The following LDB2 variants were observed in gnomAD, a reference collection of about 807,000 sequenced individuals.
The protein encoded by LDB2 is LIM domain-binding protein 2.
Under a neutral mutation model 44.3 loss-of-function variants are expected in LDB2, and 12 were observed. The ratio of observed to expected loss-of-function variants is 0.27; its 90% CI spans 0.17 to 0.44. The LOEUF (loss-of-function observed/expected upper bound fraction) is 0.44. LDB2 is among the 20% of genes least tolerant of loss of function. The pLI is 1.00. For missense variants in LDB2, 344 were observed against 473.5 expected (o/e 0.73, Z 2.54); for synonymous variants, 164 against 174.8 (o/e 0.94, Z 0.49).
chr4:16,893,742 C>G (rs1724097418), intron 1 of LDB2, among the ~76,000 whole-genome samples: 1 of 151,674 alleles, frequency 6.6e-6, no homozygotes, highest in Non-Finnish European at 1.5e-5. Flanking sequence ...AACCTCAAAA[C>G]AGGAAAAATA....
chr4:16,885,310 G>T (rs930460389), intron 1 of LDB2, among the ~76,000 whole-genome samples: 1 of 151,878 alleles, frequency 6.6e-6, no homozygotes, highest in African/African-American at 2.4e-5. Flanking sequence ...ACTCCAGCCT[G>T]GGGAGCAAGA....
chr4:16,888,304 T>G (rs1722345754), intron 1 of LDB2, among the ~76,000 whole-genome samples: 1 of 152,254 alleles, frequency 6.6e-6, no homozygotes, highest in Non-Finnish European at 1.5e-5. Context: ...CACTGAGTTC[T>G]TAAATGGAGA....
At chr4:16,520,607 A>G (rs556118386) in intron 5 of LDB2, among the ~76,000 whole-genome samples, 1 of 152,308 alleles carries the variant, frequency 6.6e-6, no homozygotes, top group South Asian at 2.1e-4. Context: ...TATCGCGTCC[A>G]ACCCTGGAGA....
intron 5 of LDB2, among the ~76,000 whole-genome samples, chr4:16,524,524 AAG>A (rs1352422465): frequency 6.6e-6 from 1 of 152,158 alleles, no homozygotes; most frequent in Non-Finnish European, 1.5e-5. Context: ...ACATCGTGGA[AAG>A]AGAGTATGAG....
At chr4:16,878,357 C>T (rs1264038295) in intron 1 of LDB2, among the ~76,000 whole-genome samples, 2 of 152,180 alleles carry the variant, frequency 1.3e-5, no homozygotes, top group African/African-American at 4.8e-5. Context: ...CTCTCTTATT[C>T]CAGTAACCAT....
intron 2 of LDB2, among the ~76,000 whole-genome samples, chr4:16,737,186 A>C (rs1762069839): frequency 6.6e-6 from 1 of 152,128 alleles, no homozygotes; most frequent in African/African-American, 2.4e-5. Flanking sequence ...AAAATCTTTA[A>C]ATGTAAAACC....
chr4:16,563,296 G>T (rs1743120084), intron 5 of LDB2, among the ~76,000 whole-genome samples: 1 of 151,360 alleles, frequency 6.6e-6, no homozygotes, highest in Admixed American at 6.6e-5. Context: ...GTTTCTATCT[G>T]TGATTTTTTT....
intron 1 of LDB2, among the ~76,000 whole-genome samples, chr4:16,823,132 G>A (rs1049677228): frequency 3.3e-5 from 5 of 152,132 alleles, no homozygotes; most frequent in Admixed American, 6.5e-5. Context: ...TGAGCTCCAC[G>A]AGGTAAGAAT....
At chr4:16,778,119 C>G (rs529248922) in intron 1 of LDB2, among the ~76,000 whole-genome samples, 28 of 152,176 alleles carry the variant, frequency 1.8e-4, no homozygotes, top group Non-Finnish European at 3.2e-4. Flanking sequence ...ATTGGGCACA[C>G]ATATTTGATC....
intron 4 of LDB2, among the ~76,000 whole-genome samples, chr4:16,586,528 A>AACACACAC (rs375304103): frequency 1.4e-5 from 1 of 69,426 alleles, no homozygotes; most frequent in African/African-American, 4.6e-5. Context: ...ACACACACAA[A>AACACACAC]ACACACACAC....
intron 2 of LDB2, among the ~76,000 whole-genome samples, chr4:16,746,867 G>A (rs1048736471): frequency 1.4e-4 from 22 of 152,104 alleles, no homozygotes; most frequent in African/African-American, 5.3e-4. Flanking sequence ...CCGGGGAATG[G>A]GTCATCTTCT....
chr4:16,581,646 C>T (rs181429722), intron 5 of LDB2, among the ~76,000 whole-genome samples: 1 of 152,246 alleles, frequency 6.6e-6, no homozygotes, highest in East Asian at 1.9e-4. Context: ...GCCTGATGAT[C>T]ACCTACTCAA....
intron 5 of LDB2, among the ~76,000 whole-genome samples, chr4:16,529,831 GTGTGTA>G (rs1207334775): frequency 6.6e-6 from 1 of 152,180 alleles, no homozygotes; most frequent in Non-Finnish European, 1.5e-5. Context: ...TGGTTTCTGT[GTGTGTA>G]TGTGTAAAGT....
chr4:16,868,880 GTGA>G (rs1031286332), intron 1 of LDB2, among the ~76,000 whole-genome samples: 3 of 152,074 alleles, frequency 2.0e-5, no homozygotes, highest in Non-Finnish European at 2.9e-5. Context: ...AATGATTTTG[GTGA>G]TGATGATGAT....
intron 5 of LDB2, among the ~76,000 whole-genome samples, chr4:16,572,995 A>G (rs1404842170): frequency 6.6e-6 from 1 of 152,230 alleles, no homozygotes; most frequent in Non-Finnish European, 1.5e-5. Flanking sequence ...CACCTTCTCT[A>G]AAGCACTGTC....
rs114217537 is a variant in LDB2, at chr4:16,681,358, C to G, written c.235+77800G>C. On this transcript the variant is annotated intron_variant, in intron 2 of 7. Transcript: ENST00000304523. The stretch of plus-strand genomic sequence containing the variant: ...TAGGAAATTGAATTCTTCAAACAAT[C>G]TGAATGAGCTTGCAAGTAAAATAGC... Among the ~76,000 whole-genome samples, 1,204 of 152,282 alleles carry G rather than the reference C, an allele frequency of 7.9e-3. 9 individuals carry two copies. The highest frequency in any genetic ancestry group is 0.028 in the African/African-American group (1,149 of 41,546).
In LDB2 at chr4:16,571,466, G is replaced by C. The variant is rs1381970801; in HGVS notation, c.615+14456C>G. Among the ~76,000 whole-genome samples the C allele has an allele frequency of 3.5e-5, 5 of 143,164 alleles. No homozygotes were observed. In the East Asian group the frequency reaches 1.0e-3, roughly 29 times the overall value. 93.9% of individuals were successfully genotyped at this position (143,164 alleles called of 152,430 possible). A position where few individuals can be genotyped will look rare whatever the true frequency, so the allele number is the denominator to read the frequency against. On this transcript the variant is annotated intron_variant, in intron 5 of 7. Coordinates refer to ENST00000304523, the MANE Select transcript of LDB2 (RefSeq NM_001290.5). ...TGGGCAATTCGGCAAAAAAAAAAAA[G>C]CCTGGTCATCTCAGTAGAAATGACT...
intron 2 of LDB2, among the ~76,000 whole-genome samples, chr4:16,683,478 T>C (rs1748458634): frequency 6.6e-6 from 1 of 152,230 alleles, no homozygotes; most frequent in African/African-American, 2.4e-5. Flanking sequence ...AAAACTTATC[T>C]GTAAAAGAAG....
rs575986658 is a variant in LDB2, at chr4:16,769,847, T to C, written c.133-10587A>G. ...CCCTTTTAGAAGGTGCTCACTATAG[T>C]TCCCTGTCTAGTGCCTGTGGATGCT... On this transcript the variant is annotated intron_variant, in intron 1 of 7. Transcript: ENST00000304523. Among the ~76,000 whole-genome samples, 9 of 152,336 alleles carry C rather than the reference T, an allele frequency of 5.9e-5. No individual in the cohort carries two copies. In the East Asian group the frequency reaches 1.7e-3, roughly 29 times the overall value.
Sources: allele counts gnomAD v4.1 joint callset (sites outside exome capture counted in the v4.1 genomes callset), GRCh38; gene constraint gnomAD v4.1.1; transcripts MANE v1.5; gene names NCBI Gene and HGNC (gene_info 2026-07-23, HGNC 2026-07-21).